The following ERCC6 variants were observed in gnomAD, a reference collection of about 807,000 sequenced individuals.
ERCC6 encodes the protein DNA excision repair protein ERCC-6.
In ERCC6, 116 loss-of-function variants were observed where a neutral mutation model predicts 158.7. The ratio of observed to expected loss-of-function variants is 0.73; its 90% confidence interval spans 0.63 to 0.85. ERCC6 has a LOEUF of 0.85. Ranked by LOEUF, ERCC6 falls within the 40% of genes least tolerant of loss-of-function variation. The probability of loss-of-function intolerance (pLI) is 0.00; values close to 1 mark genes in which losing one functional copy is unlikely to be tolerated. For synonymous variants in ERCC6, 678 were observed against 659.3 expected (o/e 1.03, Z -0.43); for missense variants, 1,698 against 1,799.4 (o/e 0.94, Z 1.02).
intron 7 of ERCC6, 73 bp downstream of exon 7, chr10:49,500,465 T>C: frequency 6.7e-7 from 1 of 1,492,150 alleles, no homozygotes; most frequent in Non-Finnish European, 9.3e-7. Context: ...CACAAGACCC[T>C]CCTCCACAGC....
chr10:49,514,399 C>A (rs893074201), intron 5 of ERCC6, among the ~76,000 whole-genome samples: 1 of 152,104 alleles, frequency 6.6e-6, no homozygotes, highest in African/African-American at 2.4e-5. Flanking sequence ...ACAAAAGGGA[C>A]AAAATACACA....
the ERCC6 span, among the ~76,000 whole-genome samples, chr10:49,444,956 A>T: frequency 6.6e-6 from 1 of 152,216 alleles, no homozygotes; most frequent in South Asian, 2.1e-4. Flanking sequence ...GAAATATATC[A>T]TGACCAAATA....
intron 2 of ERCC6, among the ~76,000 whole-genome samples, chr10:49,532,133 A>G (rs566266343): frequency 6.6e-6 from 1 of 152,350 alleles, no homozygotes; most frequent in South Asian, 2.1e-4. Context: ...AGGACTGAAC[A>G]CTAAGTTTGG....
intron 6 of ERCC6, chr10:49,505,370 G>C (rs1029457241): frequency 8.5e-5 from 13 of 152,696 alleles, no homozygotes; most frequent in African/African-American, 3.1e-4. Context: ...TTTGACATTA[G>C]AATGACATCC....
the ERCC6 span, among the ~76,000 whole-genome samples, chr10:49,444,572 T>A: frequency 6.6e-6 from 1 of 152,166 alleles, no homozygotes; most frequent in Non-Finnish European, 1.5e-5. Context: ...AACAGTCGAT[T>A]GTGAAATTAA....
chr10:49,517,014 G>A (rs1450900079), intron 5 of ERCC6: 2 of 1,613,972 alleles, frequency 1.2e-6, no homozygotes, highest in Admixed American at 1.7e-5. Flanking sequence ...AACAGGTGCT[G>A]TAGCATTTTC....
intron 1 of ERCC6, among the ~76,000 whole-genome samples, chr10:49,537,502 T>TATACACACAC (rs1554795255): frequency 6.2e-5 from 8 of 128,806 alleles, no homozygotes; most frequent in African/African-American, 2.2e-4. Flanking sequence ...TATATATATA[T>TATACACACAC]ACACATACAC....
Position 49,516,414 on chromosome 10 carries a change from T to C in ERCC6, c.1397+7619A>G. On this transcript the variant is annotated intron_variant, in intron 5 of 20. Transcript: ENST00000355832. ...TTTGTCCACTGGATCCAAATTTGCA[T>C]TGTCAGCAACATGCAAATTAGAAAA... 13 of 1,614,192 alleles carry C rather than the reference T, an allele frequency of 8.1e-6. No individual in the cohort carries two copies. The highest frequency in any genetic ancestry group is 1.1e-5 in the Non-Finnish European group (13 of 1,180,032).
intron 11 of ERCC6, among the ~76,000 whole-genome samples, chr10:49,477,133 A>G (rs1850893166): frequency 6.6e-6 from 1 of 152,086 alleles, no homozygotes. Flanking sequence ...TCACCACCCA[A>G]GCCACCCGCA....
intron 5 of ERCC6, among the ~76,000 whole-genome samples, chr10:49,510,044 A>G (rs1851507614): frequency 6.6e-6 from 1 of 152,146 alleles, no homozygotes. Flanking sequence ...TCAGATGCAG[A>G]CAGAGAAAAC....
chr10:49,458,834 A>T lies in ERCC6; in HGVS notation c.4463T>A (p.Leu1488His). The T allele has an allele frequency of 6.2e-7, 1 of 1,614,210 alleles. No individual in the cohort carries two copies. Residue 1488 changes from leucine (L) to histidine (H), a missense_variant, in exon 21 of 21, where the codon CTC (leucine) becomes CAC (histidine). Coordinates refer to ENST00000355832, the MANE Select transcript of ERCC6 (RefSeq NM_000124.4). ...RTSGGEGIWKLKPEYC is the reference protein window; with the variant it reads ...RTSGGEGIWKHKPEYC ...TGTTGTTTAGCAGTATTCTGGCTTG[A>T]GTTTCCAAATTCCTTCACCACCAGA...
chr10:49,498,537 G>A (rs1192801342), intron 7 of ERCC6, among the ~76,000 whole-genome samples: 1 of 152,134 alleles, frequency 6.6e-6, no homozygotes, highest in Non-Finnish European at 1.5e-5. Flanking sequence ...CACTCATGAG[G>A]AGCCCAGGTG....
intron 12 of ERCC6, chr10:49,475,240 A>G (rs979288727): frequency 9.8e-6 from 3 of 306,336 alleles, no homozygotes; most frequent in African/African-American, 6.5e-5. Context: ...GGAGTAAAAT[A>G]TCTTTTTAAT....
intron 8 of ERCC6, among the ~76,000 whole-genome samples, chr10:49,489,873 A>T (rs1851142141): frequency 6.6e-6 from 1 of 152,200 alleles, no homozygotes; most frequent in African/African-American, 2.4e-5. Flanking sequence ...TCTTTCCCCA[A>T]GGAAAGAGTT....
At chr10:49,436,133 G>A in the ERCC6 span, among the ~76,000 whole-genome samples, 2 of 151,926 alleles carry the variant, frequency 1.3e-5, no homozygotes, top group Admixed American at 6.6e-5. Flanking sequence ...AAATGATGAT[G>A]AGCATATTCA....
intron 5 of ERCC6, among the ~76,000 whole-genome samples, chr10:49,517,733 G>C (rs1837026026): frequency 6.6e-6 from 1 of 151,390 alleles, no homozygotes; most frequent in Non-Finnish European, 1.5e-5. Context: ...TTCTATTTTT[G>C]GGGTTTCACC....
At chr10:49,476,946 C>A (rs1163703503) in intron 11 of ERCC6, among the ~76,000 whole-genome samples, 1 of 152,160 alleles carries the variant, frequency 6.6e-6, no homozygotes, top group African/African-American at 2.4e-5. Context: ...CTGTAAACAT[C>A]CAAAGGTAGG....
chr10:49,479,766 G>C (rs541880462), intron 10 of ERCC6, among the ~76,000 whole-genome samples: 299 of 152,294 alleles, frequency 2.0e-3, no homozygotes, highest in Non-Finnish European at 2.9e-3. Flanking sequence ...CTAGGCTGGG[G>C]AACGGCCGGG....
At chr10:49,533,116 T>C (rs1302418599) in intron 1 of ERCC6, 138 bp from the exon 2 acceptor site, 9 of 1,097,122 alleles carry the variant, frequency 8.2e-6, no homozygotes, top group Non-Finnish European at 1.1e-5. Context: ...AGTTTCCAAG[T>C]ATTAATTTAC....
Sources: allele counts gnomAD v4.1 joint callset (sites outside exome capture counted in the v4.1 genomes callset), GRCh38; gene constraint gnomAD v4.1.1; transcripts MANE v1.5; gene names NCBI Gene and HGNC (gene_info 2026-07-23, HGNC 2026-07-21).